The following FSTL4 variants were observed in gnomAD, a reference collection of about 807,000 sequenced individuals.
FSTL4 encodes follistatin-related protein 4.
In FSTL4, 28 loss-of-function variants were observed where a neutral mutation model predicts 78.2. That is an observed-to-expected ratio of 0.36 (90% CI 0.27 to 0.49). FSTL4 has a LOEUF of 0.49. FSTL4 is among the 20% of genes least tolerant of loss of function. The probability of loss-of-function intolerance (pLI) is 0.98; values close to 1 mark genes in which losing one functional copy is unlikely to be tolerated. For synonymous variants in FSTL4, 422 were observed against 440.5 expected (o/e 0.96, Z 0.53); for missense variants, 922 against 1,084.9 (o/e 0.85, Z 2.11).
chr5:133,526,871 T>C (rs1187447011), intron 3 of FSTL4, among the ~76,000 whole-genome samples: 1 of 152,096 alleles, frequency 6.6e-6, no homozygotes, highest in Non-Finnish European at 1.5e-5. Flanking sequence ...TGAGCTTGAG[T>C]GGACAGAGTT....
chr5:133,477,154 T>A (rs1023588308), intron 3 of FSTL4, among the ~76,000 whole-genome samples: 2 of 152,224 alleles, frequency 1.3e-5, no homozygotes, highest in Non-Finnish European at 2.9e-5. Context: ...TTAAAATATG[T>A]TTAAATGATT....
the FSTL4 span, among the ~76,000 whole-genome samples, chr5:133,652,659 G>T: frequency 6.6e-6 from 1 of 152,134 alleles, no homozygotes. Flanking sequence ...GCATGTTAAG[G>T]TGTGTTTTAT....
At position 133,555,831 on chromosome 5, in the gene FSTL4, C is replaced by T. The variant is rs115866404; in HGVS notation, c.160+11355G>A. On this transcript the variant is annotated intron_variant, in intron 3 of 15. Transcript: ENST00000265342. Reference sequence around the variant, plus strand: ...GGGGCTCACACAAATGATAAAAATTCAAATGAAGCAGCCAAGCAGCTGGAT... The same window carrying T: ...GGGGCTCACACAAATGATAAAAATTTAAATGAAGCAGCCAAGCAGCTGGAT... Among the ~76,000 whole-genome samples, 1,034 of 152,258 alleles carry T rather than the reference C, an allele frequency of 6.8e-3. 11 individuals are homozygous for T. Among genetic ancestry groups the T allele is most frequent in the African/African-American group, 0.023 (943 of 41,548 alleles).
In FSTL4 at chr5:133,235,755, G is replaced by C. The variant is rs574990529; in HGVS notation, c.895-2218C>G. 1.8e-3 allele frequency among the ~76,000 whole-genome samples: 278 copies of C among 152,190 alleles called. 1 individual carries two copies. Among genetic ancestry groups the C allele is most frequent in the Non-Finnish European group, 2.8e-3 (191 of 68,014 alleles). On this transcript the variant is annotated intron_variant, in intron 7 of 15. Coordinates refer to ENST00000265342, the MANE Select transcript of FSTL4 (RefSeq NM_015082.2). ...AAAGAGCCCTTTTCTACCATTCTGC[G>C]GAAGCCTCCATGATAAAATAAAACA...
intron 6 of FSTL4, among the ~76,000 whole-genome samples, chr5:133,300,023 TG>T (rs1225998289): frequency 6.6e-6 from 1 of 152,202 alleles, no homozygotes; most frequent in Admixed American, 6.5e-5. Context: ...CCATATTTTC[TG>T]TGTTTTCCCA....
chr5:133,427,899 G>C, intron 3 of FSTL4, among the ~76,000 whole-genome samples: 1 of 152,180 alleles, frequency 6.6e-6, no homozygotes, highest in Admixed American at 6.5e-5. Flanking sequence ...GTCTATAGTT[G>C]CGCCTTCTGG....
chr5:133,721,501 G>C, the FSTL4 span, among the ~76,000 whole-genome samples: 1 of 152,122 alleles, frequency 6.6e-6, no homozygotes, highest in African/African-American at 2.4e-5. Context: ...CCTTATTTGG[G>C]AAAGACTTTA....
At chr5:133,738,588 A>G in the FSTL4 span, among the ~76,000 whole-genome samples, 1 of 152,006 alleles carries the variant, frequency 6.6e-6, no homozygotes, top group Admixed American at 6.6e-5. Context: ...TTCTGACCCA[A>G]AGAACTTCTG....
chr5:133,541,740 G>A (rs563245098), intron 3 of FSTL4, among the ~76,000 whole-genome samples: 6 of 152,178 alleles, frequency 3.9e-5, no homozygotes, highest in Admixed American at 2.0e-4. Context: ...TGTTTTGAGC[G>A]CTGCTTTATT....
chr5:133,380,062 C>CA (rs56016350), intron 4 of FSTL4, among the ~76,000 whole-genome samples: 18 of 145,664 alleles, frequency 1.2e-4, no homozygotes, highest in East Asian at 1.2e-3. Context: ...GACTCTATCT[C>CA]AAAAAAAAAA....
chr5:133,252,432 TC>T (rs1752280499), intron 6 of FSTL4, among the ~76,000 whole-genome samples: 1 of 152,086 alleles, frequency 6.6e-6, no homozygotes, highest in South Asian at 2.1e-4. Context: ...TTCTTGCCCC[TC>T]TGCCTCAGGC....
chr5:133,453,931 G>C (rs1168715916), intron 3 of FSTL4, among the ~76,000 whole-genome samples: 1 of 152,180 alleles, frequency 6.6e-6, no homozygotes, highest in Non-Finnish European at 1.5e-5. Context: ...TTGGGATGAG[G>C]CATCCCAGCA....
chr5:133,719,818 C>T, the FSTL4 span, among the ~76,000 whole-genome samples: 1 of 152,012 alleles, frequency 6.6e-6, no homozygotes, highest in Non-Finnish European at 1.5e-5. Flanking sequence ...TATAAAGCTC[C>T]CATGTCCTAT....
the FSTL4 span, among the ~76,000 whole-genome samples, chr5:133,689,916 C>T: frequency 6.6e-5 from 10 of 152,140 alleles, no homozygotes; most frequent in Admixed American, 1.3e-4. Flanking sequence ...CACAAATTAG[C>T]CAGGTGTAAT....
At chr5:133,701,213 G>A in the FSTL4 span, among the ~76,000 whole-genome samples, 1 of 151,798 alleles carries the variant, frequency 6.6e-6, no homozygotes, top group Non-Finnish European at 1.5e-5. Flanking sequence ...CAGCAGCCTT[G>A]CCAACATAGT....
chr5:133,652,584 C>T, the FSTL4 span, among the ~76,000 whole-genome samples: 1 of 152,018 alleles, frequency 6.6e-6, no homozygotes, highest in Non-Finnish European at 1.5e-5. Flanking sequence ...TTTACTTTTA[C>T]TTTTTGCTTG....
chr5:133,718,796 T>C, the FSTL4 span, among the ~76,000 whole-genome samples: 1 of 152,244 alleles, frequency 6.6e-6, no homozygotes, highest in Non-Finnish European at 1.5e-5. Flanking sequence ...GCATTTACTC[T>C]TGTGACTTGA....
chr5:133,233,258 C>G (rs1751549064), intron 8 of FSTL4, among the ~76,000 whole-genome samples, 159 bp downstream of exon 8: 1 of 152,214 alleles, frequency 6.6e-6, no homozygotes, highest in Admixed American at 6.5e-5. Context: ...ACAGACTTTG[C>G]CCTTTCCACA....
At chr5:133,635,808 T>G in the FSTL4 span, among the ~76,000 whole-genome samples, 2 of 152,156 alleles carry the variant, frequency 1.3e-5, no homozygotes, top group East Asian at 3.8e-4. Context: ...GGCTCCTACT[T>G]TCTGTGTTTG....
Sources: gnomAD v4.1 joint callset for allele counts (sites outside exome capture counted in the v4.1 genomes callset) on GRCh38, gnomAD v4.1.1 for gene constraint, MANE v1.5 for transcripts, NCBI Gene and HGNC (gene_info 2026-07-23, HGNC 2026-07-21) for gene names.